ARHGAP39: variants seen among roughly 807,000 people sequenced by gnomAD.
ARHGAP39 encodes the protein Rho GTPase activating protein 39, also known as rho GTPase-activating protein 39.
A neutral mutation model predicts 106.9 loss-of-function variants in ARHGAP39; 44 were observed. That is an observed-to-expected ratio of 0.41 (90% confidence interval 0.32 to 0.53). The LOEUF is 0.53. Ranked by LOEUF, ARHGAP39 falls within the 20% of genes least tolerant of loss-of-function variation. ARHGAP39 has a pLI of 0.21. For synonymous variants in ARHGAP39, 768 were observed against 693.2 expected (o/e 1.11, Z -1.69); for missense variants, 1,496 against 1,577.3 (o/e 0.95, Z 0.87).
At chr8:144,574,710 T>A (rs575179144) in intron 3 of ARHGAP39, among the ~76,000 whole-genome samples, 96 of 152,164 alleles carry the variant, frequency 6.3e-4, no homozygotes, top group African/African-American at 2.3e-3. Flanking sequence ...AATAAAAAAA[T>A]TAGTTTGGTG....
At chr8:144,546,643 C>A (rs1817434872) in intron 5 of ARHGAP39, among the ~76,000 whole-genome samples, 1 of 152,220 alleles carries the variant, frequency 6.6e-6, no homozygotes, top group African/African-American at 2.4e-5. Context: ...GCCAGAGGCC[C>A]CAGGCTGGGC....
At chr8:144,623,487 T>A (rs1444259249) in intron 1 of ARHGAP39, among the ~76,000 whole-genome samples, 1 of 152,202 alleles carries the variant, frequency 6.6e-6, no homozygotes. Context: ...ACAGAGCTGA[T>A]GCGGCTCCAT....
intron 3 of ARHGAP39, among the ~76,000 whole-genome samples, chr8:144,555,982 C>A (rs1817902174): frequency 1.3e-5 from 2 of 152,206 alleles, no homozygotes; most frequent in African/African-American, 4.8e-5. Context: ...GGGAAGGAAG[C>A]ATGGCTAGAA....
chr8:144,643,825 GA>G (rs1337956036), intron 1 of ARHGAP39, among the ~76,000 whole-genome samples: 1 of 152,100 alleles, frequency 6.6e-6, no homozygotes, highest in Middle Eastern at 3.2e-3. Context: ...GGTGTATTTT[GA>G]AGCACAAAGG....
At chr8:144,690,685 C>T (rs1273596597), upstream of ARHGAP39, among the ~76,000 whole-genome samples, 1 of 151,380 alleles carries the variant, frequency 6.6e-6, no homozygotes, top group Non-Finnish European at 1.5e-5. Flanking sequence ...TGCTCTGTTG[C>T]CCAGGCTGGA....
intron 5 of ARHGAP39, among the ~76,000 whole-genome samples, chr8:144,546,336 C>T (rs1817419766): frequency 6.6e-6 from 1 of 152,146 alleles, no homozygotes; most frequent in African/African-American, 2.4e-5. Context: ...GCACCCTGGG[C>T]CTCTCTGCCC....
chr8:144,669,678 G>A (rs576683910), intron 1 of ARHGAP39, among the ~76,000 whole-genome samples: 3 of 152,200 alleles, frequency 2.0e-5, no homozygotes, highest in Admixed American at 2.0e-4. Flanking sequence ...CAGTCATAAA[G>A]GATAAGTAGC....
In ARHGAP39 at chr8:144,647,158, G is replaced by T; in HGVS notation, c.-82+38528C>A. ...TAATTTTTGTATTTTTCGTAGAGACGGGGTTTCACCATGTTAGCCAGGATG... is the reference window on the plus strand; with the variant it reads ...TAATTTTTGTATTTTTCGTAGAGACTGGGTTTCACCATGTTAGCCAGGATG... On this transcript the variant is annotated intron_variant, in intron 1 of 11. Coordinates refer to ENST00000377307, the MANE Select transcript of ARHGAP39 (RefSeq NM_025251.3). The surrounding 1 kb of genome is among the most constrained non-coding windows in gnomAD (Gnocchi z 4.8). Among the ~76,000 whole-genome samples, 1 of 151,670 alleles carries T rather than the reference G, an allele frequency of 6.6e-6. No individual in the cohort carries two copies. The highest frequency in any genetic ancestry group is 1.9e-4 in the East Asian group (1 of 5,156).
chr8:144,630,709 C>T (rs1356207155), intron 1 of ARHGAP39, among the ~76,000 whole-genome samples: 4 of 152,256 alleles, frequency 2.6e-5, no homozygotes, highest in East Asian at 1.9e-4. Flanking sequence ...GGGGTGATCA[C>T]GTCCTGAGGG....
At chr8:144,588,780 T>G (rs144050841) in intron 2 of ARHGAP39, among the ~76,000 whole-genome samples, 3,031 of 152,338 alleles carry the variant, frequency 0.02, 73 homozygotes, top group Admixed American at 0.064. Context: ...ATGGCCAACG[T>G]GGGCAGGACT....
At chr8:144,556,986 T>C (rs546054511) in intron 3 of ARHGAP39, among the ~76,000 whole-genome samples, 2 of 141,320 alleles carry the variant, frequency 1.4e-5, no homozygotes, top group East Asian at 2.0e-4. Flanking sequence ...TGAACCTTCA[T>C]AGTATTCAGA....
chr8:144,637,788 A>G (rs1212914734), intron 1 of ARHGAP39, among the ~76,000 whole-genome samples: 1 of 151,444 alleles, frequency 6.6e-6, no homozygotes, highest in Non-Finnish European at 1.5e-5. Flanking sequence ...GCAACCTCAA[A>G]CTCCTGGGCT....
chr8:144,690,847 G>A, the ARHGAP39 span, among the ~76,000 whole-genome samples: 1 of 148,832 alleles, frequency 6.7e-6, no homozygotes, highest in African/African-American at 2.5e-5. Context: ...TTGTAGAGAC[G>A]GGGTTTCGTC....
intron 3 of ARHGAP39, among the ~76,000 whole-genome samples, chr8:144,559,223 AAAAC>A (rs1322610568): frequency 6.6e-6 from 1 of 151,788 alleles, no homozygotes; most frequent in Admixed American, 6.6e-5. Flanking sequence ...AAAAAACAAA[AAAAC>A]AAAAACTAGC....
intron 1 of ARHGAP39, among the ~76,000 whole-genome samples, chr8:144,675,595 C>A (rs553534511): frequency 1.3e-5 from 2 of 150,996 alleles, no homozygotes; most frequent in South Asian, 2.1e-4. Flanking sequence ...AAGCTGCAGA[C>A]CTTTGTGGTT....
At chr8:144,555,517 C>T (rs929066340) in intron 4 of ARHGAP39, 43 bp downstream of exon 4, 34 of 1,549,538 alleles carry the variant, frequency 2.2e-5, no homozygotes, top group African/African-American at 1.9e-4. Context: ...CTGAGGAAGC[C>T]GCCCTCCATC....
chr8:144,534,829 G>A (rs1475804490), intron 7 of ARHGAP39, among the ~76,000 whole-genome samples: 1 of 152,248 alleles, frequency 6.6e-6, no homozygotes, highest in Non-Finnish European at 1.5e-5. Context: ...GGTCCCTGAG[G>A]GGAGGGGCAG....
intron 3 of ARHGAP39, among the ~76,000 whole-genome samples, chr8:144,578,849 C>G (rs1219250505): frequency 6.7e-6 from 1 of 150,348 alleles, no homozygotes; most frequent in African/African-American, 2.5e-5. Flanking sequence ...GTCTCAAAAA[C>G]AAACAAACAA....
At chr8:144,561,368 G>A (rs1157361176) in intron 3 of ARHGAP39, among the ~76,000 whole-genome samples, 3 of 151,720 alleles carry the variant, frequency 2.0e-5, no homozygotes, top group African/African-American at 7.3e-5. Context: ...TCGGGCCCCA[G>A]TGGTTTCCAT....
Sources: gnomAD v4.1 joint callset for allele counts (sites outside exome capture counted in the v4.1 genomes callset) on GRCh38, gnomAD v4.1.1 for gene constraint, Gnocchi (gnomAD v3.1) non-coding constraint, MANE v1.5 for transcripts, NCBI Gene and HGNC (gene_info 2026-07-23, HGNC 2026-07-21) for gene names.